The following AKAP11 variants were observed in gnomAD, a reference collection of about 807,000 sequenced individuals.
AKAP11 encodes the protein A-kinase anchoring protein 11.
Under a neutral mutation model 146.1 loss-of-function variants are expected in AKAP11, and 36 were observed. The observed-to-expected ratio is 0.25, with a 90% CI of 0.19 to 0.33. The LOEUF (loss-of-function observed/expected upper bound fraction) is 0.33, where lower values mean the gene tolerates loss of function less well. Among genes scored for constraint, AKAP11 ranks in the 10% least tolerant of loss-of-function variants. The pLI, the probability that AKAP11 is intolerant of heterozygous loss-of-function variation, is 1.00. For synonymous variants in AKAP11, 780 were observed against 786.5 expected, an observed-to-expected ratio of 0.99 and a Z score of 0.14; for missense variants, 2,201 against 2,197.0, an observed-to-expected ratio of 1.00 and a Z score of -0.04.
rs190310960 is a variant in AKAP11, at chr13:42,296,836, C to T, written c.217-212C>T. ...TGATATCAGTACATTTTAAAGGCTA[C>T]GGGGATAGCCAGTATTTAATAATTT... On this transcript the variant is annotated intron_variant, in intron 5 of 12. Coordinates refer to ENST00000025301, the MANE Select transcript of AKAP11 (RefSeq NM_016248.4). Among the ~76,000 whole-genome samples, 10 of 151,950 alleles carry T rather than the reference C, an allele frequency of 6.6e-5. No homozygotes were observed. In the East Asian group the frequency reaches 1.5e-3, roughly 23 times the overall value.
In AKAP11 at chr13:42,300,709, G is replaced by A. The variant is rs763437693; in HGVS notation, c.1963G>A (p.Val655Ile). ...TGCTGCAGATCTTGCTGAAGAGCTT[G>A]TTTTTGAAGGCATCATGGAGGTGTG... ...RFAADLAEEL[V>I]FEGIMEVCQF... Residue 655 changes from valine (V) to isoleucine (I), a missense_variant, in exon 8 of 13, where the codon GTT becomes ATT. Val to Ile is a conservative substitution (Grantham distance 29). Around this residue, in one of 3 missense-constraint regions of AKAP11, gnomAD observed 1,867 missense variants for 1,833.5 expected, o/e 1.02. Coordinates refer to ENST00000025301, the MANE Select transcript of AKAP11 (RefSeq NM_016248.4). The A allele has an allele frequency of 1.9e-6, 3 of 1,613,964 alleles. No homozygotes were observed. The highest frequency in any genetic ancestry group is 2.7e-5 in the African/African-American group (2 of 74,926).
intron 1 of AKAP11, among the ~76,000 whole-genome samples, chr13:42,280,523 C>G (rs1159286747): frequency 6.6e-6 from 1 of 152,174 alleles, no homozygotes; most frequent in East Asian, 1.9e-4. Flanking sequence ...CTACATCATG[C>G]TTTGAACTTT....
At chr13:42,291,280 T>C (rs1274036348) in intron 3 of AKAP11, among the ~76,000 whole-genome samples, 1 of 152,174 alleles carries the variant, frequency 6.6e-6, no homozygotes. Flanking sequence ...CGAGACGGAA[T>C]CTCACTCTGT....
intron 10 of AKAP11, among the ~76,000 whole-genome samples, chr13:42,313,475 A>G (rs1960664453): frequency 6.6e-6 from 1 of 152,138 alleles, no homozygotes; most frequent in Non-Finnish European, 1.5e-5. Flanking sequence ...TATTTTATAT[A>G]TAAGAAAAGT....
rs1378555928 is a variant in AKAP11 at position 42,308,617 on chromosome 13, C to T, written c.5273+8C>T. 6.2e-6 allele frequency: 10 copies of T among 1,608,974 alleles called. No individual in the cohort carries two copies. The East Asian group carries it at 1.6e-4, about 25-fold the overall frequency. On this transcript the variant is annotated splice_region_variant and intron_variant, in intron 9 of 12. Coordinates refer to ENST00000025301, the MANE Select transcript of AKAP11 (RefSeq NM_016248.4). ...TCATCATCTAAGTGAAAGGTAACTA[C>T]ACTTTTGCATATAATTGTGTAGTTT...
intron 1 of AKAP11, among the ~76,000 whole-genome samples, chr13:42,279,682 A>G (rs1409375162): frequency 6.6e-6 from 1 of 151,668 alleles, no homozygotes; most frequent in East Asian, 1.9e-4. Context: ...CTAGGTCTTC[A>G]TTTATTGCCT....
At chr13:42,273,873 T>A (rs867528787) in intron 1 of AKAP11, among the ~76,000 whole-genome samples, 5 of 152,168 alleles carry the variant, frequency 3.3e-5, no homozygotes, top group Admixed American at 3.3e-4. Context: ...TAAAGGCCGT[T>A]TTAAGAGAAA....
chr13:42,294,751 A>T (rs1959408872), intron 4 of AKAP11, among the ~76,000 whole-genome samples: 1 of 152,190 alleles, frequency 6.6e-6, no homozygotes, highest in Non-Finnish European at 1.5e-5. Context: ...AGAACAAAGA[A>T]AATGACTATC....
At chr13:42,279,328 G>T (rs1215642498) in intron 1 of AKAP11, among the ~76,000 whole-genome samples, 1 of 151,866 alleles carries the variant, frequency 6.6e-6, no homozygotes, top group East Asian at 1.9e-4. Flanking sequence ...ATGTCTCTTC[G>T]TGGAACTCCA....
At chr13:42,309,370 G>A (rs749543740) in intron 9 of AKAP11, among the ~76,000 whole-genome samples, 3 of 152,136 alleles carry the variant, frequency 2.0e-5, no homozygotes, top group African/African-American at 4.8e-5. Flanking sequence ...GGGAGGAAAG[G>A]GTTCTTAGCA....
chr13:42,271,585 C>T (rs1006234745), upstream of AKAP11, among the ~76,000 whole-genome samples: 2 of 152,204 alleles, frequency 1.3e-5, no homozygotes, highest in East Asian at 1.9e-4. Flanking sequence ...CAAAACTAGC[C>T]TTGTGGCGAA....
At chr13:42,314,547 C>T (rs1012884512) in intron 11 of AKAP11, among the ~76,000 whole-genome samples, 4 of 148,904 alleles carry the variant, frequency 2.7e-5, no homozygotes, top group Admixed American at 6.7e-5. Context: ...TTTCAAAATA[C>T]AAAAGCTAAA....
At position 42,321,531 on chromosome 13, in the gene AKAP11, TA is replaced by T. The variant is rs1961086957; in HGVS notation, c.*2308del. Reference sequence around the variant, plus strand: ...CAGATGTATGAAAAGAAGTGTGAGTTAAAAATATTGAATATTGGCAGGTGTG... The same window carrying T: ...CAGATGTATGAAAAGAAGTGTGAGTTAAAATATTGAATATTGGCAGGTGTG... On this transcript the variant is annotated 3_prime_UTR_variant, in exon 13 of 13. Coordinates refer to ENST00000025301, the MANE Select transcript of AKAP11 (RefSeq NM_016248.4). The T allele has an allele frequency of 6.6e-6, 1 of 152,310 alleles. No homozygotes were observed. The highest frequency in any genetic ancestry group is 2.4e-5 in the African/African-American group (1 of 41,466). The allele number at this position is 152,310 out of a possible 1,614,324, so 9.4% of individuals were successfully genotyped here. A position where few individuals can be genotyped will look rare whatever the true frequency, so the allele number is the denominator to read the frequency against.
rs546599435 is a variant in AKAP11 at position 42,298,890 on chromosome 13, G to A, written c.616+93G>A. ...GCAGGCTTGTTCAGTTGAAATTTAT[G>A]TTGAGATTTGATTCAATTTAAACCT... On this transcript the variant is annotated intron_variant, in intron 7 of 12. Transcript: ENST00000025301. 5.5e-6 allele frequency: 7 copies of A among 1,275,558 alleles called. No individual in the cohort carries two copies. In the East Asian group the frequency reaches 1.4e-4, roughly 25 times the overall value. 79.0% of individuals were successfully genotyped at this position (1,275,558 alleles called of 1,614,324 possible).
At position 42,319,084 on chromosome 13, in the gene AKAP11, T is replaced by C. The variant is rs753728959; in HGVS notation, c.5566-4T>C. 6 of 1,612,446 alleles carry C rather than the reference T, an allele frequency of 3.7e-6. No individual in the cohort carries two copies. The African/African-American group carries it at 8.0e-5, about 22-fold the overall frequency. ...TTAATGTTTGACACATCTTTCTTTCTTAGCTTTCAAAACAATTACAAGAGA... is the reference window on the plus strand; with the variant it reads ...TTAATGTTTGACACATCTTTCTTTCCTAGCTTTCAAAACAATTACAAGAGA... On this transcript the variant is annotated splice_region_variant and splice_polypyrimidine_tract_variant and intron_variant, in intron 12 of 12. Coordinates refer to ENST00000025301, the MANE Select transcript of AKAP11 (RefSeq NM_016248.4).
intron 4 of AKAP11, among the ~76,000 whole-genome samples, chr13:42,294,808 GA>G (rs528548559): frequency 1.6e-3 from 237 of 152,104 alleles, no homozygotes; most frequent in African/African-American, 5.4e-3. Context: ...AAAAGAATGG[GA>G]AAAAAATAGC....
In AKAP11 at chr13:42,295,745, A is replaced by G. The variant is rs767593216; in HGVS notation, c.216+3A>G. ...AGACAGATGCTGCTCATATACAGGTATGGTGAATTTTAGCATTTTTACTGA... is the reference window on the plus strand; with the variant it reads ...AGACAGATGCTGCTCATATACAGGTGTGGTGAATTTTAGCATTTTTACTGA... On this transcript the variant is annotated splice_donor_region_variant and intron_variant, in intron 5 of 12. Coordinates refer to ENST00000025301, the MANE Select transcript of AKAP11 (RefSeq NM_016248.4). The G allele has an allele frequency of 9.3e-6, 15 of 1,608,008 alleles. No homozygotes were observed. The highest frequency in any genetic ancestry group is 2.7e-5 in the African/African-American group (2 of 74,646).
Position 42,299,782 on chromosome 13 carries a change from G to A in AKAP11, c.1036G>A (p.Glu346Lys). ...PKIPVMKDDI[E>K]DSDSEVSEFF... ...AATTCCTGTGATGAAAGATGATATA[G>A]AGGATTCAGACTCAGAAGTAAGTGA... The change falls in exon 8 of 13, where the codon GAG becomes AAG. Residue 346 changes from glutamate (E) to lysine (K), a missense_variant. Physicochemically the swap from Glu to Lys is moderately conservative, Grantham distance 56 (BLOSUM62 1). Around this residue, in one of 3 missense-constraint regions of AKAP11, gnomAD observed 1,867 missense variants for 1,833.5 expected, o/e 1.02. Transcript: ENST00000025301. The A allele has an allele frequency of 6.2e-7, 1 of 1,613,906 alleles. No individual in the cohort carries two copies.
rs1056189738 is a variant in AKAP11 at position 42,322,604 on chromosome 13, C to G, written c.*3376C>G. On this transcript the variant is annotated 3_prime_UTR_variant, in exon 13 of 13. Coordinates refer to ENST00000025301, the MANE Select transcript of AKAP11 (RefSeq NM_016248.4). ...ATTTAAAAACCCTGTCCACCTGTCA[C>G]CAGCACAAGAGAATTAGAGCTTCAG... 1 of 152,248 alleles carries G rather than the reference C, an allele frequency of 6.6e-6. No homozygotes were observed. The highest frequency in any genetic ancestry group is 6.5e-5 in the Admixed American group (1 of 15,276). The allele number at this position is 152,248 out of a possible 1,614,324, so 9.4% of individuals were successfully genotyped here.
Sources: gnomAD v4.1 joint callset for allele counts (sites outside exome capture counted in the v4.1 genomes callset) on GRCh38, gnomAD v4.1.1 for gene constraint, gnomAD v4.1.1 regional missense constraint, MANE v1.5 for transcripts, NCBI Gene and HGNC (gene_info 2026-07-23, HGNC 2026-07-21) for gene names.